Variants in TAS1R1 observed in about 807,000 individuals in gnomAD.
TAS1R1 encodes taste 1 receptor member 1, also known as taste receptor type 1 member 1.
Under a neutral mutation model 45.8 loss-of-function variants are expected in TAS1R1, and 31 were observed. That is an observed-to-expected ratio of 0.68 (90% CI 0.51 to 0.91). The LOEUF (loss-of-function observed/expected upper bound fraction) is 0.91, where lower values mean the gene tolerates loss of function less well. TAS1R1 is among the 40% of genes least tolerant of loss of function. TAS1R1 has a pLI of 0.00. For synonymous variants in TAS1R1, 437 were observed against 448.4 expected (o/e 0.97, Z 0.32); for missense variants, 1,051 against 1,063.9 (o/e 0.99, Z 0.17).
At chr1:6,565,737 G>A (rs1240844327) in intron 1 of TAS1R1, among the ~76,000 whole-genome samples, 1 of 152,192 alleles carries the variant, frequency 6.6e-6, no homozygotes, top group Non-Finnish European at 1.5e-5. Context: ...GCGGTTTTAA[G>A]TTTGTGGAAG....
chr1:6,573,808 G>A (rs953928640), intron 2 of TAS1R1, among the ~76,000 whole-genome samples: 10 of 151,684 alleles, frequency 6.6e-5, no homozygotes, highest in African/African-American at 1.9e-4. Flanking sequence ...GACTACAGGC[G>A]CGCGCCACCA....
Position 6,574,733 on chromosome 1 carries a change from C to G in TAS1R1, c.601C>G (p.Leu201Val). ...CAAGTACCAGGTGGAGACCATGGTG[C>G]TGCTGCTGCAGAAGTTCGGGTGGAC... ...NDKYQVETMV[L>V]LLQKFGWTWI... The change falls in exon 3 of 6, where the codon CTG becomes GTG. Residue 201 changes from leucine to valine, a missense_variant. Leu to Val is a conservative substitution (Grantham distance 32). Transcript: ENST00000333172. The surrounding 1 kb of genome is among the most constrained non-coding windows in gnomAD (Gnocchi z 4.3). 6.2e-7 allele frequency: 1 copy of G among 1,614,260 alleles called. No individual in the cohort carries two copies.
chr1:6,558,345 C>T (rs1202953519), intron 1 of TAS1R1, among the ~76,000 whole-genome samples: 10 of 152,046 alleles, frequency 6.6e-5, no homozygotes, highest in Admixed American at 6.6e-4. Context: ...GTGAATTTTG[C>T]GTGTCAGATT....
chr1:6,573,365 G>A (rs1640070014), intron 2 of TAS1R1, among the ~76,000 whole-genome samples: 2 of 152,130 alleles, frequency 1.3e-5, no homozygotes, highest in African/African-American at 4.8e-5. Context: ...GCTGAGGCAG[G>A]AGAATTTCTT....
Position 6,555,491 on chromosome 1 carries a change from C to A in TAS1R1, c.118C>A (p.Leu40Met). 1 of 1,573,648 alleles carries A rather than the reference C, an allele frequency of 6.4e-7. No individual in the cohort carries two copies. Among genetic ancestry groups the A allele is most frequent in the African/African-American group, 1.4e-5 (1 of 73,978 alleles). Residue 40 changes from leucine to methionine, a missense_variant, in exon 1 of 6, where the codon CTG becomes ATG. Physicochemically the swap from Leu to Met is conservative, Grantham distance 15. Coordinates refer to ENST00000333172, the MANE Select transcript of TAS1R1 (RefSeq NM_138697.4). ...PDFTLPGDYL[L>M]AGLFPLHSGC... is the part of the protein sequence containing the mutation. ...CTTCACCCTCCCCGGAGATTACCTC[C>A]TGGCAGGCCTGTTCCCTCTCCATTC... is the stretch of plus-strand genomic sequence containing the variant.
At chr1:6,566,817 G>A (rs1320563785) in intron 1 of TAS1R1, among the ~76,000 whole-genome samples, 1 of 152,168 alleles carries the variant, frequency 6.6e-6, no homozygotes, top group Non-Finnish European at 1.5e-5. Flanking sequence ...GGATGGTCTT[G>A]ATCTCCTGAC....
intron 1 of TAS1R1, among the ~76,000 whole-genome samples, chr1:6,557,598 G>A (rs1639707758): frequency 6.6e-6 from 1 of 152,014 alleles, no homozygotes; most frequent in African/African-American, 2.4e-5. Context: ...ACCACTCCTG[G>A]CTAATTTTTT....
chr1:6,564,480 G>A (rs528832502), intron 1 of TAS1R1, among the ~76,000 whole-genome samples: 1 of 152,284 alleles, frequency 6.6e-6, no homozygotes, highest in East Asian at 1.9e-4. Flanking sequence ...TTTTGGGCTG[G>A]CTCTGGTGCG....
In TAS1R1 at chr1:6,571,185, C is replaced by T. The variant is rs150596151; in HGVS notation, c.468C>T (p.Ala156=). 122 of 1,588,040 alleles carry T rather than the reference C, an allele frequency of 7.7e-5. 2 individuals are homozygous for T. The highest frequency in any genetic ancestry group is 2.6e-4 in the Admixed American group (15 of 57,770). The change falls in exon 2 of 6, where the codon GCC becomes GCT. Residue 156 remains alanine (A), a synonymous_variant. Coordinates refer to ENST00000333172, the MANE Select transcript of TAS1R1 (RefSeq NM_138697.4). ...GCACCAACCGTGCTGCCACCACAGC[C>T]GCCCTGCTGAGCCCTTTCCTGGTGC... ...PDSTNRAATT[A]ALLSPFLVPM... is the part of the protein sequence containing the mutation.
In TAS1R1 at chr1:6,574,407, C is replaced by T. The variant is rs1236989476; in HGVS notation, c.499-224C>T. Among the ~76,000 whole-genome samples, 1 of 152,224 alleles carries T rather than the reference C, an allele frequency of 6.6e-6. No individual in the cohort carries two copies. The highest frequency in any genetic ancestry group is 1.5e-5 in the Non-Finnish European group (1 of 68,042). On this transcript the variant is annotated intron_variant, in intron 2 of 5. Transcript: ENST00000333172. This position sits in a 1 kb window ranked among gnomAD's most constrained non-coding sequence, Gnocchi z 4.3. ...TTTCACTCCTATGCAGGTTTTGTCT[C>T]CTTTGCTTGGAATGCATCCCCTCAC...
In TAS1R1 at chr1:6,555,361, G is replaced by A. The variant is rs750296965; in HGVS notation, c.-13G>A. On this transcript the variant is annotated 5_prime_UTR_variant, in exon 1 of 6. Coordinates refer to ENST00000333172, the MANE Select transcript of TAS1R1 (RefSeq NM_138697.4). The stretch of plus-strand genomic sequence containing the variant: ...CACTCCTTGGCCATGCCAGGCGCGG[G>A]CATCTGGCCAGCATGCTGCTCTGCA... 41 of 1,566,864 alleles carry A rather than the reference G, an allele frequency of 2.6e-5. No individual in the cohort carries two copies. Among genetic ancestry groups the A allele is most frequent in the South Asian group, 3.4e-5 (3 of 88,092 alleles).
At chr1:6,565,174 T>C (rs1639853275) in intron 1 of TAS1R1, among the ~76,000 whole-genome samples, 1 of 151,612 alleles carries the variant, frequency 6.6e-6, no homozygotes, top group South Asian at 2.1e-4. Context: ...CGGGAGTGGG[T>C]GGGAGGAGAG....
Position 6,579,280 on chromosome 1 carries a change from G to C in TAS1R1, c.2222G>C (p.Ser741Thr). ...AFLYNGLLSI[S>T]AFACSYLGKD... Reference sequence around the variant, plus strand: ...CTCTACAATGGCCTCCTCTCCATCAGTGCCTTTGCCTGCAGCTACCTGGGT... The same window carrying C: ...CTCTACAATGGCCTCCTCTCCATCACTGCCTTTGCCTGCAGCTACCTGGGT... The change falls in exon 6 of 6, where the codon AGT (serine) becomes ACT (threonine). Residue 741 changes from serine to threonine, a missense_variant. Transcript: ENST00000333172. 6.2e-7 allele frequency: 1 copy of C among 1,614,190 alleles called. No individual in the cohort carries two copies. The highest frequency in any genetic ancestry group is 8.5e-7 in the Non-Finnish European group (1 of 1,180,052).
chr1:6,559,276 C>T (rs1202729233), intron 1 of TAS1R1, among the ~76,000 whole-genome samples: 3 of 151,894 alleles, frequency 2.0e-5, no homozygotes, highest in African/African-American at 7.2e-5. Flanking sequence ...GTGATCCACC[C>T]ACCTCAGCCT....
rs1032034419 is a variant in TAS1R1 at position 6,569,589 on chromosome 1, G to T, written c.192-1320G>T. ...CCCAAGGGGGGTGGTCTTAGGAAGC[G>T]TAGAATGAGAAGCTCCTATGGTGAA... On this transcript the variant is annotated intron_variant, in intron 1 of 5. Coordinates refer to ENST00000333172, the MANE Select transcript of TAS1R1 (RefSeq NM_138697.4). Among the ~76,000 whole-genome samples the T allele has an allele frequency of 7.9e-5, 12 of 152,172 alleles. 1 individual carries two copies. The highest frequency in any genetic ancestry group is 6.5e-4 in the Admixed American group (10 of 15,276).
In TAS1R1 at chr1:6,579,124, C is replaced by T. The variant is rs114555118; in HGVS notation, c.2066C>T (p.Ala689Val). The change falls in exon 6 of 6, where the codon GCC becomes GTC. Residue 689 changes from alanine to valine, a missense_variant. Ala to Val is a moderately conservative substitution (Grantham distance 64). Coordinates refer to ENST00000333172, the MANE Select transcript of TAS1R1 (RefSeq NM_138697.4). The part of the protein sequence containing the change: ...AGLFVMISSA[A>V]QLLICLTWLV... ...CTGTTTGTGATGATCAGCTCAGCGG[C>T]CCAGCTGCTTATCTGTCTAACTTGG... 4,044 of 1,614,210 alleles carry T rather than the reference C, an allele frequency of 2.5e-3. 9 individuals carry two copies. Among genetic ancestry groups the T allele is most frequent in the Non-Finnish European group, 3.0e-3 (3,598 of 1,180,042 alleles).
Position 6,578,910 on chromosome 1 carries a change from A to G in TAS1R1, c.1852A>G (p.Ser618Gly). The G allele has an allele frequency of 6.2e-7, 1 of 1,612,180 alleles. No individual in the cohort carries two copies. The highest frequency in any genetic ancestry group is 1.1e-5 in the South Asian group (1 of 90,926). The change falls in exon 6 of 6, where the codon AGC becomes GGC. Residue 618 changes from serine (S) to glycine (G), a missense_variant. Coordinates refer to ENST00000333172, the MANE Select transcript of TAS1R1 (RefSeq NM_138697.4). ...MLGSLAAGSG[S>G]LYGFFGEPTR... ...GGGCTCCCTGGCAGCAGGTAGTGGC[A>G]GCCTCTATGGCTTCTTTGGGGAACC...
intron 3 of TAS1R1, among the ~76,000 whole-genome samples, chr1:6,575,838 G>A (rs1048519955): frequency 2.6e-4 from 40 of 151,998 alleles, no homozygotes; most frequent in Admixed American, 2.3e-3. Context: ...GACTACGGGC[G>A]CCCGCCACCA....
intron 1 of TAS1R1, among the ~76,000 whole-genome samples, chr1:6,561,871 C>T (rs907306030): frequency 6.6e-5 from 10 of 152,034 alleles, no homozygotes; most frequent in Admixed American, 1.3e-4. Flanking sequence ...GTGGGGGCTA[C>T]GAGGTCCAGT....
Sources: gnomAD v4.1 joint callset for allele counts (sites outside exome capture counted in the v4.1 genomes callset) on GRCh38, gnomAD v4.1.1 for gene constraint, Gnocchi (gnomAD v3.1) non-coding constraint, MANE v1.5 for transcripts, NCBI Gene and HGNC (gene_info 2026-07-23, HGNC 2026-07-21) for gene names.